Variants in IL1RAPL1 observed in about 807,000 individuals in gnomAD.
The protein encoded by IL1RAPL1 is interleukin 1 receptor accessory protein like 1.
In IL1RAPL1, 3 loss-of-function variants were observed where a neutral mutation model predicts 48.4. The ratio of observed to expected loss-of-function variants is 0.06; its 90% CI spans 0.03 to 0.16. The LOEUF is 0.16. Ranked by LOEUF, IL1RAPL1 falls within the 10% of genes least tolerant of loss-of-function variation. The pLI is 1.00. For missense variants in IL1RAPL1, 349 were observed against 530.6 expected (o/e 0.66, Z 3.36); for synonymous variants, 185 against 187.7 (o/e 0.99, Z 0.12).
At chrX:28,919,062 T>C (rs992281411) in intron 2 of IL1RAPL1, among the ~76,000 whole-genome samples, 1 of 111,747 alleles carries the variant, frequency 8.9e-6, no homozygotes, top group Non-Finnish European at 1.9e-5. Context: ...TTATTTACTC[T>C]TTCTTGGTGT....
intron 2 of IL1RAPL1, among the ~76,000 whole-genome samples, chrX:29,013,113 A>T (rs973323525): frequency 9.0e-6 from 1 of 111,142 alleles, no homozygotes; most frequent in African/African-American, 3.3e-5. Flanking sequence ...GAAAAGTTCA[A>T]CATCACTGAT....
Position 29,608,986 on chromosome X carries a change from G to A in IL1RAPL1, c.704-59444G>A, listed in dbSNP as rs192012603. Among the ~76,000 whole-genome samples the A allele has an allele frequency of 6.9e-4, 77 of 111,647 alleles. No homozygotes were observed. In the East Asian group the frequency reaches 0.02, roughly 29 times the overall value. Reference sequence around the variant, plus strand: ...ATTTAAGAAAATAGATGACATACACGCTATAATTATCAATATAGTTTCTTC... The same window carrying A: ...ATTTAAGAAAATAGATGACATACACACTATAATTATCAATATAGTTTCTTC... On this transcript the variant is annotated intron_variant, in intron 5 of 10. Transcript: ENST00000378993.
intron 5 of IL1RAPL1, among the ~76,000 whole-genome samples, chrX:29,536,517 T>C (rs1921237937): frequency 9.0e-6 from 1 of 111,615 alleles, no homozygotes; most frequent in African/African-American, 3.2e-5. Flanking sequence ...AAAATGTTTG[T>C]GGTGAGAATA....
chrX:29,117,186 G>A (rs1443677659), intron 2 of IL1RAPL1, among the ~76,000 whole-genome samples: 2 of 111,906 alleles, frequency 1.8e-5, no homozygotes, highest in African/African-American at 6.5e-5. Flanking sequence ...TCCTGTGCCA[G>A]TGAACACTGA....
At chrX:29,552,531 T>C (rs985150140) in intron 5 of IL1RAPL1, among the ~76,000 whole-genome samples, 1 of 111,666 alleles carries the variant, frequency 9.0e-6, no homozygotes, top group African/African-American at 3.3e-5. Context: ...TACCATAAAA[T>C]TTGTTATTTT....
intron 1 of IL1RAPL1, among the ~76,000 whole-genome samples, chrX:28,636,911 G>A (rs1289905496): frequency 9.0e-6 from 1 of 111,357 alleles, no homozygotes; most frequent in Non-Finnish European, 1.9e-5. Context: ...AAAATCAGAG[G>A]TTTTTTTAAA....
chrX:28,958,751 T>C (rs1294659458), intron 2 of IL1RAPL1, among the ~76,000 whole-genome samples: 1 of 111,658 alleles, frequency 9.0e-6, no homozygotes, highest in Non-Finnish European at 1.9e-5. Context: ...CAGGAGCAGA[T>C]GGGGCTGAAT....
intron 2 of IL1RAPL1, among the ~76,000 whole-genome samples, chrX:29,029,172 C>A (rs974124841): frequency 9.0e-6 from 1 of 111,197 alleles, no homozygotes; most frequent in Non-Finnish European, 1.9e-5. Context: ...GGAGAAACCA[C>A]CCCCATGATC....
At chrX:29,092,153 G>A (rs1270526302) in intron 2 of IL1RAPL1, among the ~76,000 whole-genome samples, 1 of 111,341 alleles carries the variant, frequency 9.0e-6, no homozygotes, top group Non-Finnish European at 1.9e-5. Flanking sequence ...CACTTCAACT[G>A]ACTGCTACTG....
At chrX:29,000,401 A>G (rs1469626807) in intron 2 of IL1RAPL1, among the ~76,000 whole-genome samples, 1 of 111,292 alleles carries the variant, frequency 9.0e-6, no homozygotes, top group Non-Finnish European at 1.9e-5. Context: ...TTTATTCTCC[A>G]TTGCTCTCTG....
intron 2 of IL1RAPL1, among the ~76,000 whole-genome samples, chrX:28,939,015 CA>C (rs1924093356): frequency 1.0e-5 from 1 of 98,767 alleles, no homozygotes; most frequent in Non-Finnish European, 2.0e-5. Context: ...TATTAATAAA[CA>C]GTAAAAAAAA....
intron 2 of IL1RAPL1, among the ~76,000 whole-genome samples, chrX:29,179,032 T>C (rs1406406466): frequency 8.9e-6 from 1 of 111,965 alleles, no homozygotes; most frequent in Non-Finnish European, 1.9e-5. Flanking sequence ...GGTAGTGTGA[T>C]GCCTCCAGCT....
chrX:28,762,786 G>GCGCACACACACACACA (rs1366464632), intron 1 of IL1RAPL1, among the ~76,000 whole-genome samples: 2 of 63,001 alleles, frequency 3.2e-5, no homozygotes, highest in African/African-American at 1.3e-4. Context: ...GCACGCGCGC[G>GCGCACACACACACACA]CACACACACA....
intron 2 of IL1RAPL1, among the ~76,000 whole-genome samples, chrX:29,012,518 T>G (rs1490638046): frequency 9.0e-6 from 1 of 111,613 alleles, no homozygotes; most frequent in Non-Finnish European, 1.9e-5. Flanking sequence ...AACTCCAGCC[T>G]GGGCAACAAG....
At chrX:28,815,215 G>C (rs1936848811) in intron 2 of IL1RAPL1, among the ~76,000 whole-genome samples, 1 of 110,630 alleles carries the variant, frequency 9.0e-6, no homozygotes, top group African/African-American at 3.3e-5. Context: ...TTGCAGGGCA[G>C]ATCTGCTATG....
chrX:29,688,317 C>T (rs1039523861), intron 6 of IL1RAPL1, among the ~76,000 whole-genome samples: 4 of 110,889 alleles, frequency 3.6e-5, no homozygotes, highest in African/African-American at 6.6e-5. Flanking sequence ...ATTTGTCTTG[C>T]GGCCGCACCA....
intron 8 of IL1RAPL1, among the ~76,000 whole-genome samples, chrX:29,921,522 A>G (rs1275279370): frequency 8.9e-6 from 1 of 112,246 alleles, no homozygotes; most frequent in Non-Finnish European, 1.9e-5. Context: ...AGCTAACAAT[A>G]TGATTGTATC....
intron 1 of IL1RAPL1, among the ~76,000 whole-genome samples, chrX:28,775,513 C>T (rs182338462): frequency 8.9e-6 from 1 of 112,211 alleles, no homozygotes; most frequent in African/African-American, 3.2e-5. Flanking sequence ...TTGATTTTAT[C>T]TGCAGAGCCA....
At chrX:29,183,011 G>T (rs1930177649) in intron 2 of IL1RAPL1, among the ~76,000 whole-genome samples, 1 of 111,306 alleles carries the variant, frequency 9.0e-6, no homozygotes, top group Non-Finnish European at 1.9e-5. Context: ...TTCTTCCTTA[G>T]AGCCTCCAGA....
Sources: allele counts gnomAD v4.1 joint callset (sites outside exome capture counted in the v4.1 genomes callset), GRCh38; gene constraint gnomAD v4.1.1; transcripts MANE v1.5; gene names NCBI Gene and HGNC (gene_info 2026-07-23, HGNC 2026-07-21).